ZNF624: variants seen among roughly 807,000 people sequenced by gnomAD.
ZNF624 encodes zinc finger protein 624.
Under a neutral mutation model 74.7 loss-of-function variants are expected in ZNF624, and 43 were observed. The observed-to-expected ratio is 0.58, with a 90% CI of 0.45 to 0.74. The LOEUF (loss-of-function observed/expected upper bound fraction) is 0.74, where lower values mean the gene tolerates loss of function less well. ZNF624 is among the 30% of genes least tolerant of loss of function. ZNF624 has a pLI of 0.00. For missense variants in ZNF624, 820 were observed against 1,030.0 expected (o/e 0.80, Z 2.79); for synonymous variants, 331 against 341.3 (o/e 0.97, Z 0.33).
At position 16,622,291 on chromosome 17, in the gene ZNF624, T is replaced by C. The variant is rs367728115; in HGVS notation, c.2595A>G (p.Ile865Met). Residue 865 changes from isoleucine (I) to methionine (M), a missense_variant, in exon 6 of 6, where the codon ATA (isoleucine) becomes ATG (methionine). Ile to Met is a conservative substitution (Grantham distance 10, BLOSUM62 1). Coordinates refer to ENST00000311331, the MANE Select transcript of ZNF624 (RefSeq NM_020787.4). ...TAGGTGAATGACTTATTGTTCTTTA[T>C]ATTAACTGAGTTTCTCTTTGATGTA... ...QRIHQRETQL[I>M] The C allele has an allele frequency of 9.0e-6, 14 of 1,551,680 alleles. No homozygotes were observed. The highest frequency in any genetic ancestry group is 1.0e-5 in the Non-Finnish European group (12 of 1,153,970).
chr17:16,620,330 T>C (rs914609444), downstream of ZNF624, among the ~76,000 whole-genome samples: 2 of 152,206 alleles, frequency 1.3e-5, no homozygotes, highest in Non-Finnish European at 2.9e-5. Context: ...TTGGGAGTTA[T>C]TGGCTATTTT....
intron 3 of ZNF624, among the ~76,000 whole-genome samples, chr17:16,638,369 T>C (rs1389612984): frequency 6.6e-6 from 1 of 152,172 alleles, no homozygotes; most frequent in Non-Finnish European, 1.5e-5. Flanking sequence ...ACTGGGTATA[T>C]ACCCAAAGGA....
At chr17:16,614,296 A>G in the ZNF624 span, among the ~76,000 whole-genome samples, 21 of 152,302 alleles carry the variant, frequency 1.4e-4, no homozygotes, top group Middle Eastern at 3.4e-3. Flanking sequence ...TAAGTCCTAG[A>G]AAACCTAATC....
intron 1 of ZNF624, among the ~76,000 whole-genome samples, chr17:16,651,917 ATGT>A (rs1909734362): frequency 6.6e-6 from 1 of 152,184 alleles, no homozygotes; most frequent in Non-Finnish European, 1.5e-5. Context: ...GTTTAATATA[ATGT>A]TAACATGTTA....
At position 16,641,550 on chromosome 17, in the gene ZNF624, C is replaced by T. The variant is rs556679419; in HGVS notation, c.153+5779G>A. On this transcript the variant is annotated intron_variant, in intron 3 of 5. Transcript: ENST00000311331. Reference sequence around the variant, plus strand: ...CCACCCACCTCAGCCTCCTAAAGTGCTGGGATTACAGGCATGGGCCACCAT... The same window carrying T: ...CCACCCACCTCAGCCTCCTAAAGTGTTGGGATTACAGGCATGGGCCACCAT... Among the ~76,000 whole-genome samples, 25 of 152,364 alleles carry T rather than the reference C, an allele frequency of 1.6e-4. No individual in the cohort carries two copies. In the South Asian group the frequency reaches 1.9e-3, roughly 11 times the overall value.
Position 16,623,532 on chromosome 17 carries a change from A to C in ZNF624, c.1354T>G (p.Ser452Ala). ...TTAAAAATTGTGGTATTCTTAAAAG[A>C]CTTCCCACACTCGTTGCACTGATAT... ...KPYQCNECGKSFKNTTIFNVH... is the reference protein window; with the variant it reads ...KPYQCNECGKAFKNTTIFNVH... Residue 452 changes from serine (S) to alanine (A), a missense_variant, in exon 6 of 6, where the codon TCT (serine) becomes GCT (alanine). Coordinates refer to ENST00000311331, the MANE Select transcript of ZNF624 (RefSeq NM_020787.4). This position sits in a 1 kb window ranked among gnomAD's most constrained non-coding sequence, Gnocchi z 5.3. 6.2e-7 allele frequency: 1 copy of C among 1,609,892 alleles called. No homozygotes were observed. The highest frequency in any genetic ancestry group is 8.5e-7 in the Non-Finnish European group (1 of 1,178,564).
chr17:16,616,900 G>A, downstream of ZNF624: 1 of 1,495,122 alleles, frequency 6.7e-7, no homozygotes, highest in Admixed American at 2.0e-5. Context: ...GCGAGATCTA[G>A]AACAGGATCT....
At chr17:16,627,090 T>C (rs890278335) in intron 5 of ZNF624, among the ~76,000 whole-genome samples, 2 of 152,002 alleles carry the variant, frequency 1.3e-5, no homozygotes, top group Non-Finnish European at 2.9e-5. Flanking sequence ...AGAAAAGCTA[T>C]ATAAAACATA....
chr17:16,651,285 C>T (rs895867423), intron 1 of ZNF624, among the ~76,000 whole-genome samples: 1 of 151,908 alleles, frequency 6.6e-6, no homozygotes, highest in East Asian at 1.9e-4. Context: ...AAATGATCAG[C>T]CAGGTGTGGT....
intron 5 of ZNF624, chr17:16,631,397 T>C (rs1381691345): frequency 1.3e-5 from 2 of 151,954 alleles, no homozygotes; most frequent in African/African-American, 4.8e-5. Context: ...AACTCAAACA[T>C]ACAAGAAAAA....
rs544950562 is a variant in ZNF624, at chr17:16,647,895, T to C, written c.88-501A>G. 1.3e-3 allele frequency among the ~76,000 whole-genome samples: 204 copies of C among 152,186 alleles called. 1 individual carries two copies. Among genetic ancestry groups the C allele is most frequent in the African/African-American group, 4.7e-3 (197 of 41,542 alleles). On this transcript the variant is annotated intron_variant, in intron 2 of 5. Coordinates refer to ENST00000311331, the MANE Select transcript of ZNF624 (RefSeq NM_020787.4). The stretch of plus-strand genomic sequence containing the variant: ...TTTCTTCCAAAACTTAGAAACTGTA[T>C]CTCCATGAGGGCCTTATTTATTTAT...
chr17:16,617,661 C>T (rs1908818447), downstream of ZNF624: 5 of 1,604,670 alleles, frequency 3.1e-6, no homozygotes, highest in African/African-American at 1.4e-5. Flanking sequence ...GCGATTGCGA[C>T]GCGGGCCCCG....
chr17:16,653,160 T>C (rs1255417901), intron 1 of ZNF624, among the ~76,000 whole-genome samples: 2 of 152,252 alleles, frequency 1.3e-5, no homozygotes, highest in African/African-American at 4.8e-5. Context: ...ACCAATGCAA[T>C]AATACCATTG....
At position 16,622,704 on chromosome 17, in the gene ZNF624, C is replaced by G; in HGVS notation, c.2182G>C (p.Asp728His). ...ATCTGGCTAAATGCTTTCCCACAGT[C>G]ATTACATTTAAATGGTTTCTCTCCA... ...HTGEKPFKCNDCGKAFSQMVH... is the reference protein window; with the variant it reads ...HTGEKPFKCNHCGKAFSQMVH... The change falls in exon 6 of 6, where the codon GAC becomes CAC. Residue 728 changes from aspartate to histidine, a missense_variant. Coordinates refer to ENST00000311331, the MANE Select transcript of ZNF624 (RefSeq NM_020787.4). 1 of 1,613,856 alleles carries G rather than the reference C, an allele frequency of 6.2e-7. No individual in the cohort carries two copies. The highest frequency in any genetic ancestry group is 1.3e-5 in the African/African-American group (1 of 75,022).
At chr17:16,617,691 CG>C (rs1161578018), downstream of ZNF624, 6 of 1,605,286 alleles carry the variant, frequency 3.7e-6, no homozygotes, top group Admixed American at 1.0e-4. Flanking sequence ...TACGATCACG[CG>C]CTCGCCGCAG....
At chr17:16,633,428 G>A (rs1225274990) in intron 5 of ZNF624, among the ~76,000 whole-genome samples, 3 of 152,142 alleles carry the variant, frequency 2.0e-5, no homozygotes, top group Admixed American at 6.6e-5. Flanking sequence ...TGCAGGTGAA[G>A]AAAACTAAAT....
chr17:16,638,819 C>A (rs1437815507), intron 3 of ZNF624, among the ~76,000 whole-genome samples: 2 of 152,050 alleles, frequency 1.3e-5, no homozygotes, highest in Non-Finnish European at 2.9e-5. Context: ...AACAAACCTG[C>A]ACATCGTGCA....
At chr17:16,643,315 A>G (rs1415608958) in intron 3 of ZNF624, among the ~76,000 whole-genome samples, 1 of 152,258 alleles carries the variant, frequency 6.6e-6, no homozygotes, top group Non-Finnish European at 1.5e-5. Flanking sequence ...TGGATAAGCT[A>G]TATCCATACA....
chr17:16,617,699 G>A (rs1908821226), downstream of ZNF624: 15 of 1,604,224 alleles, frequency 9.4e-6, no homozygotes, highest in South Asian at 1.3e-4. Flanking sequence ...CGCGCTCGCC[G>A]CAGAGCTCCT....
Sources: gnomAD v4.1 joint callset for allele counts (sites outside exome capture counted in the v4.1 genomes callset) on GRCh38, gnomAD v4.1.1 for gene constraint, Gnocchi (gnomAD v3.1) non-coding constraint, MANE v1.5 for transcripts, NCBI Gene and HGNC (gene_info 2026-07-23, HGNC 2026-07-21) for gene names.